Variants in SPMIP2 observed in about 807,000 individuals in gnomAD.
SPMIP2 encodes the protein sperm microtubule inner protein 2.
chr4:159,059,457 C>T, the SPMIP2 span, among the ~76,000 whole-genome samples: 1 of 152,260 alleles, frequency 6.6e-6, no homozygotes, highest in Non-Finnish European at 1.5e-5. Context: ...ACTGCAGCCT[C>T]CATCTCCTGG....
At chr4:158,975,061 T>C in the SPMIP2 span, among the ~76,000 whole-genome samples, 1 of 152,244 alleles carries the variant, frequency 6.6e-6, no homozygotes, top group Non-Finnish European at 1.5e-5. Context: ...TGACCAGTGA[T>C]GATGAGCTTT....
At chr4:159,000,655 G>T in the SPMIP2 span, among the ~76,000 whole-genome samples, 1 of 151,658 alleles carries the variant, frequency 6.6e-6, no homozygotes, top group African/African-American at 2.4e-5. Context: ...CACCACGCCC[G>T]GCTAGTTTTT....
At chr4:158,937,262 T>C in the SPMIP2 span, among the ~76,000 whole-genome samples, 1 of 152,226 alleles carries the variant, frequency 6.6e-6, no homozygotes, top group East Asian at 1.9e-4. Flanking sequence ...AAGTTATCTT[T>C]ATATTTTGTA....
chr4:158,936,275 A>G, the SPMIP2 span, among the ~76,000 whole-genome samples: 19 of 152,236 alleles, frequency 1.2e-4, no homozygotes, highest in African/African-American at 3.9e-4. Flanking sequence ...GAGTCAGTCT[A>G]GTTGCCTAAT....
chr4:159,004,289 C>CTTTTTTTTTTT, the SPMIP2 span, among the ~76,000 whole-genome samples: 54 of 78,918 alleles, frequency 6.8e-4, 6 homozygotes, highest in South Asian at 9.8e-4. Flanking sequence ...ACTCTGTGCT[C>CTTTTTTTTTTT]TTTTTTTTTT....
At chr4:158,974,465 C>T in the SPMIP2 span, among the ~76,000 whole-genome samples, 442 of 152,146 alleles carry the variant, frequency 2.9e-3, no homozygotes, top group African/African-American at 8.6e-3. Flanking sequence ...CCTTGCCCCC[C>T]ACCCGCAACA....
the SPMIP2 span, among the ~76,000 whole-genome samples, chr4:158,927,301 A>G: frequency 2.0e-5 from 3 of 152,190 alleles, no homozygotes; most frequent in East Asian, 5.8e-4. Flanking sequence ...CATTAGAGAA[A>G]CCATTCTAAC....
At chr4:159,062,066 G>T in the SPMIP2 span, among the ~76,000 whole-genome samples, 1 of 152,212 alleles carries the variant, frequency 6.6e-6, no homozygotes. Flanking sequence ...CCACGTGTGT[G>T]TCGGGAGCTA....
At chr4:158,972,862 A>C in the SPMIP2 span, among the ~76,000 whole-genome samples, 1 of 152,200 alleles carries the variant, frequency 6.6e-6, no homozygotes, top group Non-Finnish European at 1.5e-5. Flanking sequence ...TGGATTATCC[A>C]TGGCTTTGTT....
At chr4:159,078,701 G>A in the SPMIP2 span, among the ~76,000 whole-genome samples, 1 of 152,214 alleles carries the variant, frequency 6.6e-6, no homozygotes, top group Admixed American at 6.5e-5. Flanking sequence ...GTAAGGAAAA[G>A]CAGGAAGTAA....
At chr4:159,061,090 A>C in the SPMIP2 span, among the ~76,000 whole-genome samples, 1 of 144,396 alleles carries the variant, frequency 6.9e-6, no homozygotes, top group Non-Finnish European at 1.5e-5. Flanking sequence ...ATCTCAAAAA[A>C]AAAAATATAT....
the SPMIP2 span, among the ~76,000 whole-genome samples, chr4:159,045,021 G>A: frequency 6.6e-6 from 1 of 152,028 alleles, no homozygotes; most frequent in African/African-American, 2.4e-5. Flanking sequence ...AACCCAGGAG[G>A]TGGCAGTCGC....
chr4:159,074,631 C>G, the SPMIP2 span, among the ~76,000 whole-genome samples: 2 of 152,092 alleles, frequency 1.3e-5, no homozygotes, highest in Admixed American at 6.6e-5. Flanking sequence ...AGTGACCCAC[C>G]ATGATCCTGG....
At chr4:159,007,383 C>G in the SPMIP2 span, 1 of 676,074 alleles carries the variant, frequency 1.5e-6, no homozygotes, top group Non-Finnish European at 2.8e-6. Context: ...AAAGAAGTCC[C>G]TAAGAGTGGA....
chr4:159,050,730 A>C, the SPMIP2 span, among the ~76,000 whole-genome samples: 1 of 151,816 alleles, frequency 6.6e-6, no homozygotes, highest in Non-Finnish European at 1.5e-5. Context: ...CAGGAGTTCA[A>C]GGCTGCAGTG....
At chr4:159,059,774 T>C in the SPMIP2 span, among the ~76,000 whole-genome samples, 11 of 152,148 alleles carry the variant, frequency 7.2e-5, no homozygotes, top group East Asian at 1.9e-3. Context: ...AAAGGATTAA[T>C]TGATGAGACA....
At chr4:158,976,160 T>G in the SPMIP2 span, among the ~76,000 whole-genome samples, 1 of 152,244 alleles carries the variant, frequency 6.6e-6, no homozygotes, top group African/African-American at 2.4e-5. Flanking sequence ...TTTGCCAAAG[T>G]TGCTTATCAG....
At chr4:159,081,630 G>A in the SPMIP2 span, among the ~76,000 whole-genome samples, 3 of 152,074 alleles carry the variant, frequency 2.0e-5, no homozygotes, top group Non-Finnish European at 4.4e-5. Flanking sequence ...GGAGGTTGCA[G>A]TGAGCCATGT....
At chr4:158,931,536 C>A in the SPMIP2 span, among the ~76,000 whole-genome samples, 1 of 151,416 alleles carries the variant, frequency 6.6e-6, no homozygotes, top group Non-Finnish European at 1.5e-5. Context: ...GGATAATAGG[C>A]ATGAGCCACC....
Sources: gnomAD v4.1 joint callset for allele counts (sites outside exome capture counted in the v4.1 genomes callset) on GRCh38, gnomAD v4.1.1 for gene constraint, MANE v1.5 for transcripts, NCBI Gene and HGNC (gene_info 2026-07-23, HGNC 2026-07-21) for gene names.